The following NISCH variants were observed in gnomAD, a reference collection of about 807,000 sequenced individuals.
NISCH encodes the protein nischarin.
Under a neutral mutation model 138.4 loss-of-function variants are expected in NISCH, and 55 were observed. The observed-to-expected ratio is 0.40, with a 90% CI of 0.32 to 0.50. The LOEUF is 0.50. Ranked by LOEUF, NISCH falls within the 20% of genes least tolerant of loss-of-function variation. The probability of loss-of-function intolerance (pLI) is 0.71; values close to 1 mark genes in which losing one functional copy is unlikely to be tolerated. For missense variants in NISCH, 1,643 were observed against 2,005.5 expected (o/e 0.82, Z 3.45); for synonymous variants, 860 against 861.5 (o/e 1.00, Z 0.03).
In NISCH at chr3:52,492,931, G is replaced by A. The variant is rs184121329; in HGVS notation, c.*449G>A. On this transcript the variant is annotated 3_prime_UTR_variant, in exon 21 of 21. Transcript: ENST00000345716. Reference sequence around the variant, plus strand: ...ACATTGGAAGCTCCCACCCCATATTGTTCTTCAAAGTGGAGGTCTCCCCTG... The same window carrying A: ...ACATTGGAAGCTCCCACCCCATATTATTCTTCAAAGTGGAGGTCTCCCCTG... 163 of 190,264 alleles carry A rather than the reference G, an allele frequency of 8.6e-4. 1 individual carries two copies. Among genetic ancestry groups the A allele is most frequent in the Non-Finnish European group, 1.5e-3 (137 of 91,244 alleles). The allele number at this position is 190,264 out of a possible 1,614,324, so 11.8% of individuals were successfully genotyped here.
At chr3:52,458,526 G>C (rs1049482409) in intron 2 of NISCH, 136 bp from the exon 3 acceptor site, 9 of 636,034 alleles carry the variant, frequency 1.4e-5, no homozygotes, top group Non-Finnish European at 1.9e-5. Context: ...CACTAGTTTG[G>C]TCACTGATTT....
chr3:52,470,048 C>A lies in NISCH; in HGVS notation c.361-811C>A, dbSNP rs186541597. 1.3e-4 allele frequency among the ~76,000 whole-genome samples: 19 copies of A among 150,356 alleles called. No individual in the cohort carries two copies. In the East Asian group the frequency reaches 3.5e-3, roughly 28 times the overall value. ...GCAGTGAGCTATGGTCATACCATTGCACTCCAGCCTGAGTGACAGAGCAAG... is the reference window on the plus strand; with the variant it reads ...GCAGTGAGCTATGGTCATACCATTGAACTCCAGCCTGAGTGACAGAGCAAG... On this transcript the variant is annotated intron_variant, in intron 3 of 20. Transcript: ENST00000345716.
intron 14 of NISCH, among the ~76,000 whole-genome samples, 173 bp from the exon 15 acceptor site, chr3:52,485,597 CCCTTGGGT>C (rs1707380998): frequency 6.6e-6 from 1 of 152,194 alleles, no homozygotes; most frequent in Non-Finnish European, 1.5e-5. Flanking sequence ...TGGGTCTCTG[CCCTTGGGT>C]CCCAGAGTGG....
At chr3:52,457,013 G>T (rs1252939434) in intron 1 of NISCH, among the ~76,000 whole-genome samples, 1 of 152,210 alleles carries the variant, frequency 6.6e-6, no homozygotes, top group Admixed American at 6.5e-5. Flanking sequence ...CTGTCTCCGG[G>T]TGTGCCGAGT....
chr3:52,478,068 A>G, intron 9 of NISCH, 29 bp from the exon 10 acceptor site: 2 of 1,611,476 alleles, frequency 1.2e-6, no homozygotes, highest in South Asian at 2.2e-5. Flanking sequence ...GACCTGAGCC[A>G]CTTTACGCTG....
chr3:52,457,510 G>T (rs566582427), intron 1 of NISCH, among the ~76,000 whole-genome samples: 1 of 152,322 alleles, frequency 6.6e-6, no homozygotes, highest in East Asian at 1.9e-4. Flanking sequence ...TTACCTAGAG[G>T]CAGGAGGTAA....
At chr3:52,485,173 G>GC (rs966473217) in intron 14 of NISCH, among the ~76,000 whole-genome samples, 1 of 152,196 alleles carries the variant, frequency 6.6e-6, no homozygotes, top group Non-Finnish European at 1.5e-5. Context: ...CAGGAGGAAA[G>GC]CAAGGGTGCT....
chr3:52,484,896 TTC>T (rs1202249274), intron 14 of NISCH, among the ~76,000 whole-genome samples: 1 of 151,978 alleles, frequency 6.6e-6, no homozygotes, highest in African/African-American at 2.4e-5. Flanking sequence ...GAACAGGCAG[TTC>T]TCTGTCACTG....
intron 9 of NISCH, 97 bp from the exon 10 acceptor site, chr3:52,478,000 A>G: frequency 8.2e-7 from 1 of 1,224,962 alleles, no homozygotes; most frequent in Admixed American, 1.9e-5. Flanking sequence ...AGAACTGGGT[A>G]GTTTGGGTTG....
At chr3:52,475,387 C>T (rs1195931496) in intron 7 of NISCH, among the ~76,000 whole-genome samples, 1 of 152,150 alleles carries the variant, frequency 6.6e-6, no homozygotes, top group Non-Finnish European at 1.5e-5. Context: ...GGTCTCTGGG[C>T]TTTGTGCTAC....
At chr3:52,481,150 T>C (rs984614661) in intron 13 of NISCH, 77 of 1,228,704 alleles carry the variant, frequency 6.3e-5, no homozygotes, top group Non-Finnish European at 7.4e-5. Flanking sequence ...AGGGATAAGA[T>C]ACCGGGAAGG....
At chr3:52,459,496 C>T (rs1432402973) in intron 3 of NISCH, among the ~76,000 whole-genome samples, 5 of 152,132 alleles carry the variant, frequency 3.3e-5, no homozygotes, top group Non-Finnish European at 7.4e-5. Flanking sequence ...TGCAGTGGTG[C>T]GATCTCGGCT....
At chr3:52,470,563 T>C in intron 3 of NISCH, 1 of 457,886 alleles carries the variant, frequency 2.2e-6, no homozygotes, top group South Asian at 3.0e-5. Flanking sequence ...CTTAGAGTAA[T>C]GCAGCTCTGC....
intron 6 of NISCH, among the ~76,000 whole-genome samples, chr3:52,472,961 C>T (rs1316103204): frequency 6.6e-6 from 1 of 152,206 alleles, no homozygotes; most frequent in Non-Finnish European, 1.5e-5. Context: ...TGCCCTGTGG[C>T]CCCATGTCTC....
At chr3:52,481,860 T>G (rs1405570084) in intron 13 of NISCH, 2 of 985,414 alleles carry the variant, frequency 2.0e-6, no homozygotes, top group East Asian at 2.3e-4. Context: ...GCTGGACTTC[T>G]GGACATGGCC....
intron 6 of NISCH, among the ~76,000 whole-genome samples, chr3:52,473,057 A>G (rs1473984626): frequency 6.6e-6 from 1 of 152,238 alleles, no homozygotes; most frequent in Non-Finnish European, 1.5e-5. Flanking sequence ...TGGGCAGATA[A>G]GGAAGTTTGG....
Position 52,490,122 on chromosome 3 carries a change from C to A in NISCH, c.3504C>A (p.Phe1168Leu). 6.2e-7 allele frequency: 1 copy of A among 1,613,668 alleles called. No individual in the cohort carries two copies. The highest frequency in any genetic ancestry group is 8.5e-7 in the Non-Finnish European group (1 of 1,180,026). ...LRHLMWSSVV[F>L]YQTPGLEVTA... ...ACCTCATGTGGTCCTCGGTGGTGTT[C>A]TACCAGACCCCAGGGCTGGAGGTGA... Residue 1168 changes from phenylalanine to leucine, a missense_variant, in exon 18 of 21, where the codon TTC (phenylalanine) becomes TTA (leucine). Transcript: ENST00000345716.
At chr3:52,477,840 A>T (rs1707148751) in intron 9 of NISCH, 198 bp downstream of exon 9, 4 of 627,656 alleles carry the variant, frequency 6.4e-6, no homozygotes, top group Admixed American at 2.8e-5. Flanking sequence ...GTAAATACAA[A>T]CCAGGCATGA....
In NISCH at chr3:52,487,978, C is replaced by T; in HGVS notation, c.2486C>T (p.Thr829Ile). The change falls in exon 16 of 21, where the codon ACC (threonine) becomes ATC (isoleucine). Residue 829 changes from threonine to isoleucine, a missense_variant. Coordinates refer to ENST00000345716, the MANE Select transcript of NISCH (RefSeq NM_007184.4). The surrounding 1 kb of genome is among the most constrained non-coding windows in gnomAD (Gnocchi z 9.1). ...AGCCCCATCCTCTACGGCAGCCACA[C>T]CAGCCTGCAGGAGTTCCTGCGCCAG... The part of the protein sequence containing the change: ...LCSPILYGSH[T>I]SLQEFLRQLL... 1 of 1,612,408 alleles carries T rather than the reference C, an allele frequency of 6.2e-7. No homozygotes were observed. Among genetic ancestry groups the T allele is most frequent in the Non-Finnish European group, 8.5e-7 (1 of 1,179,978 alleles).
Sources: allele counts gnomAD v4.1 joint callset (sites outside exome capture counted in the v4.1 genomes callset), GRCh38; gene constraint gnomAD v4.1.1; non-coding constraint Gnocchi (gnomAD v3.1); transcripts MANE v1.5; gene names NCBI Gene and HGNC (gene_info 2026-07-23, HGNC 2026-07-21).